Variants in UHRF1 observed in about 807,000 individuals in gnomAD.
The protein encoded by UHRF1 is E3 ubiquitin-protein ligase UHRF1.
UHRF1 carries 9 observed loss-of-function variants against 96.5 expected under a neutral mutation model. That is an observed-to-expected ratio of 0.09 (90% confidence interval 0.06 to 0.16). The LOEUF is 0.16. UHRF1 is among the 10% of genes least tolerant of loss of function. The probability of loss-of-function intolerance (pLI) is 1.00; values close to 1 mark genes in which losing one functional copy is unlikely to be tolerated. For missense variants in UHRF1, 626 were observed against 1,131.1 expected (o/e 0.55, Z 6.40); for synonymous variants, 455 against 469.9 (o/e 0.97, Z 0.41).
chr19:4,948,524 T>C (rs1431787452), intron 11 of UHRF1, among the ~76,000 whole-genome samples: 1 of 152,030 alleles, frequency 6.6e-6, no homozygotes, highest in Non-Finnish European at 1.5e-5. Context: ...AAGAGCTGGG[T>C]GCGGTGGCTC....
Position 4,954,414 on chromosome 19 carries a change from A to G in UHRF1, c.1883A>G (p.Glu628Gly), listed in dbSNP as rs2033796912. 4 of 1,613,066 alleles carry G rather than the reference A, an allele frequency of 2.5e-6. No homozygotes were observed. The highest frequency in any genetic ancestry group is 3.4e-6 in the Non-Finnish European group (4 of 1,179,398). The change falls in exon 14 of 17, where the codon GAG becomes GGG. Residue 628 changes from glutamate (E) to glycine (G), a missense_variant. This residue lies in a region of UHRF1 where 90 missense variants were observed against 94.7 expected (regional missense o/e 0.95). Transcript: ENST00000650932. The surrounding 1 kb of genome is among the most constrained non-coding windows in gnomAD (Gnocchi z 5.9). ...CGAGAGAAGGAGAACAGCAAGAGGG[A>G]GGAGGAGGAGCAGCAGGAGGGGGGC... ...REREKENSKREEEEQQEGGFA... is the reference protein window; with the variant it reads ...REREKENSKRGEEEQQEGGFA...
chr19:4,929,179 G>A, intron 2 of UHRF1, 43 bp from the exon 3 acceptor site: 1 of 1,584,016 alleles, frequency 6.3e-7, no homozygotes, highest in Non-Finnish European at 8.6e-7. Flanking sequence ...TGCCCACTTG[G>A]CATTTGGTGG....
chr19:4,929,520 C>T (rs1163043696), intron 3 of UHRF1, 44 bp downstream of exon 3: 1 of 1,581,668 alleles, frequency 6.3e-7, no homozygotes. Flanking sequence ...GACGTTCTCC[C>T]TGCCATTCTG....
chr19:4,912,681 C>T (rs1223993008), intron 2 of UHRF1, among the ~76,000 whole-genome samples: 1 of 152,144 alleles, frequency 6.6e-6, no homozygotes, highest in Admixed American at 6.6e-5. Flanking sequence ...AGACACCAGT[C>T]CACCTTTCCC....
At chr19:4,957,385 T>C (rs2033886236) in intron 16 of UHRF1, among the ~76,000 whole-genome samples, 1 of 135,856 alleles carries the variant, frequency 7.4e-6, no homozygotes, top group South Asian at 2.6e-4. Context: ...CTCCACTCAC[T>C]GCAAGCTCTG....
intron 2 of UHRF1, among the ~76,000 whole-genome samples, chr19:4,925,107 G>A (rs1211948222): frequency 1.3e-5 from 2 of 152,100 alleles, no homozygotes; most frequent in African/African-American, 4.8e-5. Context: ...GATGACGGGC[G>A]TGAGCCACTG....
chr19:4,919,395 T>C (rs988948351), intron 2 of UHRF1, among the ~76,000 whole-genome samples: 2 of 151,508 alleles, frequency 1.3e-5, no homozygotes, highest in Non-Finnish European at 2.9e-5. Context: ...CTCCACCTCC[T>C]GGGTTCATGC....
chr19:4,914,406 T>TC (rs950868330), intron 2 of UHRF1, among the ~76,000 whole-genome samples: 1 of 152,188 alleles, frequency 6.6e-6, no homozygotes, highest in South Asian at 2.1e-4. Flanking sequence ...TCTTTTTTTT[T>TC]CCCTGTTTAA....
chr19:4,950,391 G>T (rs929900190), intron 11 of UHRF1, among the ~76,000 whole-genome samples: 1 of 151,502 alleles, frequency 6.6e-6, no homozygotes, highest in Non-Finnish European at 1.5e-5. Context: ...TTACAGGCAC[G>T]CGCCACCACG....
chr19:4,921,665 G>A (rs2032708736), intron 2 of UHRF1, among the ~76,000 whole-genome samples: 1 of 152,114 alleles, frequency 6.6e-6, no homozygotes, highest in Non-Finnish European at 1.5e-5. Context: ...GCCGAGGCGG[G>A]AGGGTTGCTT....
chr19:4,948,825 G>A (rs765697198), intron 11 of UHRF1, among the ~76,000 whole-genome samples: 2 of 148,596 alleles, frequency 1.3e-5, no homozygotes, highest in Non-Finnish European at 3.0e-5. Flanking sequence ...AAAGAAACTC[G>A]TAGAAGAAAG....
intron 2 of UHRF1, among the ~76,000 whole-genome samples, chr19:4,916,871 G>A (rs976407843): frequency 4.6e-5 from 7 of 152,168 alleles, no homozygotes; most frequent in African/African-American, 9.7e-5. Flanking sequence ...TCTCTCTTCC[G>A]GCTGGAGGTC....
At chr19:4,916,103 T>C (rs536215649) in intron 2 of UHRF1, among the ~76,000 whole-genome samples, 163 of 150,970 alleles carry the variant, frequency 1.1e-3, no homozygotes, top group African/African-American at 3.8e-3. Flanking sequence ...AGGTTGGGAG[T>C]TTGAGACCAG....
At chr19:4,932,711 C>A in intron 4 of UHRF1, 30 bp from the exon 5 acceptor site, 3 of 1,609,574 alleles carry the variant, frequency 1.9e-6, no homozygotes, top group Non-Finnish European at 2.5e-6. Flanking sequence ...GGTCTTAGCA[C>A]GGGGTCTAAG....
intron 2 of UHRF1, among the ~76,000 whole-genome samples, chr19:4,924,202 T>C (rs1599254860): frequency 6.6e-6 from 1 of 152,188 alleles, no homozygotes; most frequent in South Asian, 2.1e-4. Context: ...CAGGCTGCAG[T>C]GCAGTGGCGT....
intron 1 of UHRF1, among the ~76,000 whole-genome samples, chr19:4,904,045 C>T (rs1039774436): frequency 6.6e-6 from 1 of 152,006 alleles, no homozygotes; most frequent in Non-Finnish European, 1.5e-5. Context: ...GGCGTGATCT[C>T]GGCTCACTGC....
At chr19:4,905,812 C>T (rs938659120), upstream of UHRF1, among the ~76,000 whole-genome samples, 2 of 152,112 alleles carry the variant, frequency 1.3e-5, no homozygotes, top group Admixed American at 6.6e-5. Flanking sequence ...CCACTGTGCC[C>T]GGCCAGTGTT....
chr19:4,954,550 C>A lies in UHRF1; in HGVS notation c.1957+62C>A. 3 of 1,582,898 alleles carry A rather than the reference C, an allele frequency of 1.9e-6. No homozygotes were observed. The highest frequency in any genetic ancestry group is 2.6e-6 in the Non-Finnish European group (3 of 1,162,038). ...TGTGGGGGAGCAGGTGGGCATCTCG[C>A]GGGTGTGGGGTTGAGGTCGTGTGGA... On this transcript the variant is annotated intron_variant, in intron 14 of 16. Transcript: ENST00000650932. This position sits in a 1 kb window ranked among gnomAD's most constrained non-coding sequence, Gnocchi z 5.9.
intron 5 of UHRF1, among the ~76,000 whole-genome samples, chr19:4,934,903 C>A (rs2033172617): frequency 6.6e-6 from 1 of 151,976 alleles, no homozygotes; most frequent in African/African-American, 2.4e-5. Flanking sequence ...CTGCTAGGCG[C>A]ATTTCTGAAT....
Sources: gnomAD v4.1 joint callset for allele counts (sites outside exome capture counted in the v4.1 genomes callset) on GRCh38, gnomAD v4.1.1 for gene constraint, gnomAD v4.1.1 regional missense constraint, Gnocchi (gnomAD v3.1) non-coding constraint, MANE v1.5 for transcripts, NCBI Gene and HGNC (gene_info 2026-07-23, HGNC 2026-07-21) for gene names.